The following ADGRB3 variants were observed in gnomAD, a reference collection of about 807,000 sequenced individuals.
The protein encoded by ADGRB3 is brain-specific angiogenesis inhibitor 3.
ADGRB3 carries 37 observed loss-of-function variants against 193.4 expected under a neutral mutation model. The observed-to-expected ratio is 0.19, with a 90% CI of 0.15 to 0.25. ADGRB3 has a LOEUF of 0.25. Ranked by LOEUF, ADGRB3 falls within the 10% of genes least tolerant of loss-of-function variation. ADGRB3 has a pLI of 1.00. For synonymous variants in ADGRB3, 690 were observed against 644.2 expected, an observed-to-expected ratio of 1.07 and a Z score of -1.08; for missense variants, 1,637 against 1,852.9, an observed-to-expected ratio of 0.88 and a Z score of 2.14.
At chr6:68,782,764 A>G (rs1766881597) in intron 3 of ADGRB3, among the ~76,000 whole-genome samples, 1 of 152,094 alleles carries the variant, frequency 6.6e-6, no homozygotes, top group African/African-American at 2.4e-5. Context: ...GGCTGCATAA[A>G]TGTCTTCTTT....
At position 69,239,232 on chromosome 6, in the gene ADGRB3, A is replaced by C. The variant is rs771427601; in HGVS notation, c.2814+6A>C. On this transcript the variant is annotated splice_donor_region_variant and intron_variant, in intron 20 of 31. Coordinates refer to ENST00000370598, the MANE Select transcript of ADGRB3 (RefSeq NM_001704.3). ...AGACTCAGACACATAATAAGGTATG[A>C]CTGGTAATTATTCTGATTCTTTTTT... The C allele has an allele frequency of 3.3e-6, 5 of 1,500,310 alleles. No individual in the cohort carries two copies. In the Admixed American group the frequency reaches 5.2e-5, roughly 16 times the overall value. The allele number at this position is 1,500,310 out of a possible 1,614,324, so 92.9% of individuals were successfully genotyped here.
chr6:69,195,831 A>G (rs1765282045), intron 17 of ADGRB3, among the ~76,000 whole-genome samples: 1 of 152,142 alleles, frequency 6.6e-6, no homozygotes, highest in Admixed American at 6.6e-5. Context: ...GTTTAAATCA[A>G]TTCCTTTTTT....
At chr6:69,239,269 T>G (rs775663628) in intron 20 of ADGRB3, 43 bp downstream of exon 20, 27 of 1,350,082 alleles carry the variant, frequency 2.0e-5, no homozygotes, top group Non-Finnish European at 2.7e-5. Flanking sequence ...GTGTTTATAT[T>G]TTGGCATATT....
In ADGRB3 at chr6:68,919,143, A is replaced by ACAC. The variant is rs534013650; in HGVS notation, c.758-11416_758-11415insCAC. ...TAATTATTACTCTGCAATTATGTAA[A>ACAC]GTATATGTCTATTCTATAGCCAGTA... On this transcript the variant is annotated intron_variant, in intron 3 of 31. Coordinates refer to ENST00000370598, the MANE Select transcript of ADGRB3 (RefSeq NM_001704.3). 3.8e-3 allele frequency among the ~76,000 whole-genome samples: 577 copies of ACAC among 152,278 alleles called. 1 individual carries two copies. Among genetic ancestry groups the ACAC allele is most frequent in the South Asian group, 0.019 (91 of 4,828 alleles).
chr6:68,977,745 C>T (rs764457899), intron 10 of ADGRB3, among the ~76,000 whole-genome samples: 25 of 152,110 alleles, frequency 1.6e-4, no homozygotes, highest in Non-Finnish European at 5.9e-5. Flanking sequence ...AGGCACTAGG[C>T]TGGAAACTTT....
rs148467039 is a variant in ADGRB3 at position 69,211,362 on chromosome 6, C to G, written c.2481-21928C>G. On this transcript the variant is annotated intron_variant, in intron 17 of 31. Coordinates refer to ENST00000370598, the MANE Select transcript of ADGRB3 (RefSeq NM_001704.3). ...GAATATCATACAAGCTGTGGGCCATCTTTCTTCAGATTGTAGATGAAAGAC... is the reference window on the plus strand; with the variant it reads ...GAATATCATACAAGCTGTGGGCCATGTTTCTTCAGATTGTAGATGAAAGAC... Among the ~76,000 whole-genome samples the G allele has an allele frequency of 4.9e-3, 749 of 152,224 alleles. 13 individuals are homozygous for G. Among genetic ancestry groups the G allele is most frequent in the South Asian group, 0.024 (116 of 4,828 alleles).
chr6:69,030,179 G>A (rs555016750), intron 13 of ADGRB3, among the ~76,000 whole-genome samples: 1 of 152,260 alleles, frequency 6.6e-6, no homozygotes, highest in African/African-American at 2.4e-5. Context: ...GTGTAAATTA[G>A]TTCAACCATT....
At chr6:69,376,642 C>T (rs994638070) in intron 30 of ADGRB3, among the ~76,000 whole-genome samples, 1 of 151,892 alleles carries the variant, frequency 6.6e-6, no homozygotes, top group Admixed American at 6.6e-5. Context: ...ACAAACACAG[C>T]TAAATTGTGA....
At chr6:69,300,494 G>A (rs1156782810) in intron 20 of ADGRB3, among the ~76,000 whole-genome samples, 1 of 151,586 alleles carries the variant, frequency 6.6e-6, no homozygotes, top group Non-Finnish European at 1.5e-5. Context: ...AATAAATAAA[G>A]GACTTCCAAA....
chr6:69,172,133 T>C (rs1327678905), intron 17 of ADGRB3, among the ~76,000 whole-genome samples: 2 of 152,184 alleles, frequency 1.3e-5, no homozygotes, highest in East Asian at 3.9e-4. Context: ...GGCTATCATA[T>C]GAGCTTTGAC....
chr6:69,067,841 C>T (rs12529244), intron 16 of ADGRB3, among the ~76,000 whole-genome samples: 17,163 of 152,150 alleles, frequency 0.11, 1,130 homozygotes, highest in Middle Eastern at 0.25. Context: ...ACATCCTTCT[C>T]ATGTTTCAAA....
chr6:68,865,315 A>T (rs538973), intron 3 of ADGRB3, among the ~76,000 whole-genome samples: 67,940 of 151,912 alleles, frequency 0.45, 16,546 homozygotes, highest in East Asian at 0.6. Flanking sequence ...GATTAAAATT[A>T]CATTTTCTCT....
At chr6:68,861,394 T>A (rs546301205) in intron 3 of ADGRB3, among the ~76,000 whole-genome samples, 5 of 152,008 alleles carry the variant, frequency 3.3e-5, no homozygotes, top group Non-Finnish European at 7.4e-5. Flanking sequence ...ACCCCGTCTC[T>A]ACTAAAAATA....
chr6:69,002,940 G>C (rs1363454189), intron 11 of ADGRB3, among the ~76,000 whole-genome samples: 1 of 152,152 alleles, frequency 6.6e-6, no homozygotes, highest in Non-Finnish European at 1.5e-5. Flanking sequence ...ATGGAAGCAG[G>C]GGAGTAGGGT....
intron 3 of ADGRB3, among the ~76,000 whole-genome samples, chr6:68,654,669 G>A (rs1768450477): frequency 6.6e-6 from 1 of 151,724 alleles, no homozygotes; most frequent in Non-Finnish European, 1.5e-5. Context: ...TATTTGAAAA[G>A]ATAATCATTT....
In ADGRB3 at chr6:68,685,495, T is replaced by C. The variant is rs186650532; in HGVS notation, c.757+46063T>C. Among the ~76,000 whole-genome samples, 660 of 152,054 alleles carry C rather than the reference T, an allele frequency of 4.3e-3. 3 individuals carry two copies. Among genetic ancestry groups the C allele is most frequent in the African/African-American group, 0.014 (601 of 41,492 alleles). On this transcript the variant is annotated intron_variant, in intron 3 of 31. Coordinates refer to ENST00000370598, the MANE Select transcript of ADGRB3 (RefSeq NM_001704.3). ...CAATGGGGAAGGAAAGAACCAAAAATTAAAGTTCTTTAATATAAGGCAAAT... is the reference window on the plus strand; with the variant it reads ...CAATGGGGAAGGAAAGAACCAAAAACTAAAGTTCTTTAATATAAGGCAAAT...
At chr6:68,793,718 A>G (rs1448651605) in intron 3 of ADGRB3, among the ~76,000 whole-genome samples, 2 of 152,032 alleles carry the variant, frequency 1.3e-5, no homozygotes, top group African/African-American at 4.8e-5. Flanking sequence ...TAATAGAGAC[A>G]GGGTTTACCC....
intron 17 of ADGRB3, among the ~76,000 whole-genome samples, chr6:69,204,936 A>C (rs1765504578): frequency 6.6e-6 from 1 of 152,156 alleles, no homozygotes; most frequent in Admixed American, 6.6e-5. Context: ...ATTTCTGAAA[A>C]TCATACTGTG....
At chr6:68,757,164 C>T (rs1157283984) in intron 3 of ADGRB3, among the ~76,000 whole-genome samples, 1 of 152,092 alleles carries the variant, frequency 6.6e-6, no homozygotes, top group Non-Finnish European at 1.5e-5. Context: ...ATCAGGAGCA[C>T]TCAACTCCTT....
Sources: allele counts gnomAD v4.1 joint callset (sites outside exome capture counted in the v4.1 genomes callset), GRCh38; gene constraint gnomAD v4.1.1; transcripts MANE v1.5; gene names NCBI Gene and HGNC (gene_info 2026-07-23, HGNC 2026-07-21).